The following GTF3C5 variants were observed in gnomAD, a reference collection of about 807,000 sequenced individuals.
GTF3C5 encodes general transcription factor IIIC subunit 5.
GTF3C5 carries 47 observed loss-of-function variants against 61.0 expected under a neutral mutation model. The observed-to-expected ratio is 0.77, with a 90% CI of 0.61 to 0.98. GTF3C5 has a LOEUF of 0.98. GTF3C5 is among the 50% of genes least tolerant of loss of function. GTF3C5 has a pLI of 0.00. For missense variants in GTF3C5, 659 were observed against 703.3 expected, an observed-to-expected ratio of 0.94 and a Z score of 0.71; for synonymous variants, 295 against 275.4, an observed-to-expected ratio of 1.07 and a Z score of -0.71.
chr9:133,041,683 T>A (rs1850044609), intron 1 of GTF3C5, among the ~76,000 whole-genome samples: 1 of 152,178 alleles, frequency 6.6e-6, no homozygotes, highest in African/African-American at 2.4e-5. Flanking sequence ...CTGTCTTTTC[T>A]TTTATGTCTT....
Position 133,053,871 on chromosome 9 carries a change from ACC to A in GTF3C5, c.921_922del (p.Arg308LysfsTer27). 1.9e-6 allele frequency: 3 copies of A among 1,613,334 alleles called. No individual in the cohort carries two copies. The highest frequency in any genetic ancestry group is 2.5e-6 in the Non-Finnish European group (3 of 1,179,460). ...AGCCTATGGATTCGATTTGGGTATG[ACC>A]CCCGAAAAAACCCAGATGCCAAGAT... On this transcript the variant is annotated frameshift_variant, in exon 6 of 11. Transcript: ENST00000372097. LOFTEE classifies it high-confidence loss of function.
chr9:133,040,955 TCCTCG>T (rs1256899003), intron 1 of GTF3C5, among the ~76,000 whole-genome samples: 6 of 152,230 alleles, frequency 3.9e-5, no homozygotes, highest in Non-Finnish European at 5.9e-5. Flanking sequence ...ATTATAATAA[TCCTCG>T]CTCTATAATC....
chr9:133,043,980 C>G, intron 3 of GTF3C5, 54 bp downstream of exon 3: 1 of 1,366,272 alleles, frequency 7.3e-7, no homozygotes, highest in Non-Finnish European at 1.0e-6. Context: ...TGGGATGGTC[C>G]GGGCACGGAG....
chr9:133,045,728 C>T (rs1168756029), intron 3 of GTF3C5, among the ~76,000 whole-genome samples: 1 of 152,194 alleles, frequency 6.6e-6, no homozygotes, highest in South Asian at 2.1e-4. Context: ...CCTCTGCTTC[C>T]TGGGTTAAAA....
chr9:133,056,614 C>A, intron 9 of GTF3C5, 152 bp from the exon 10 acceptor site: 1 of 664,188 alleles, frequency 1.5e-6, no homozygotes, highest in Non-Finnish European at 2.4e-6. Flanking sequence ...TGGGAACACA[C>A]AGCTTGTGTT....
Position 133,054,444 on chromosome 9 carries a change from G to T in GTF3C5, c.1025G>T (p.Arg342Leu). 6.2e-7 allele frequency: 1 copy of T among 1,614,160 alleles called. No homozygotes were observed. The highest frequency in any genetic ancestry group is 8.5e-7 in the Non-Finnish European group (1 of 1,180,014). The change falls in exon 7 of 11, where the codon CGC becomes CTC. Residue 342 changes from arginine (R) to leucine (L), a missense_variant. Arg to Leu is a moderately radical substitution (Grantham distance 102). Coordinates refer to ENST00000372097, the MANE Select transcript of GTF3C5 (RefSeq NM_012087.4). ...AGTGACTTGCCGGTCAAAGCAAAGCGCAGCACCTACAACTACAGCCTCCCC... is the reference window on the plus strand; with the variant it reads ...AGTGACTTGCCGGTCAAAGCAAAGCTCAGCACCTACAACTACAGCCTCCCC... Reference protein sequence around the residue: ...APSDLPVKAKRSTYNYSLPIT... With the variant: ...APSDLPVKAKLSTYNYSLPIT...
intron 8 of GTF3C5, 166 bp from the exon 9 acceptor site, chr9:133,055,846 T>C: frequency 1.4e-6 from 2 of 1,419,170 alleles, no homozygotes; most frequent in East Asian, 5.1e-5. Flanking sequence ...TGGACATTGT[T>C]TTTTCCCCAA....
chr9:133,035,070 T>C (rs1304434018), intron 1 of GTF3C5, among the ~76,000 whole-genome samples: 1 of 152,152 alleles, frequency 6.6e-6, no homozygotes, highest in Non-Finnish European at 1.5e-5. Flanking sequence ...CCAGGGAGTG[T>C]GGTATTCCCC....
chr9:133,043,071 TA>T (rs1435711726), intron 2 of GTF3C5, among the ~76,000 whole-genome samples: 29 of 152,176 alleles, frequency 1.9e-4, no homozygotes, highest in African/African-American at 7.0e-4. Context: ...CTGAAGAGTA[TA>T]AAGATTGAGA....
At chr9:133,046,798 G>A (rs1479270011) in intron 3 of GTF3C5, among the ~76,000 whole-genome samples, 2 of 152,168 alleles carry the variant, frequency 1.3e-5, no homozygotes, top group African/African-American at 2.4e-5. Flanking sequence ...CTGGAGCTGA[G>A]ACAGAGCCAG....
At chr9:133,048,263 C>T (rs925730103) in intron 3 of GTF3C5, among the ~76,000 whole-genome samples, 14 of 152,148 alleles carry the variant, frequency 9.2e-5, no homozygotes, top group Admixed American at 2.0e-4. Flanking sequence ...TTTGGGAGGC[C>T]GAGGCGGGTG....
chr9:133,058,196 C>T lies in GTF3C5; in HGVS notation c.*216C>T, dbSNP rs928139528. 41 of 1,370,000 alleles carry T rather than the reference C, an allele frequency of 3.0e-5. No individual in the cohort carries two copies. The African/African-American group carries it at 5.9e-4, about 20-fold the overall frequency. The allele number at this position is 1,370,000 out of a possible 1,614,324, so 84.9% of individuals were successfully genotyped here. A position where few individuals can be genotyped will look rare whatever the true frequency, so the allele number is the denominator to read the frequency against. On this transcript the variant is annotated 3_prime_UTR_variant, in exon 11 of 11. Coordinates refer to ENST00000372097, the MANE Select transcript of GTF3C5 (RefSeq NM_012087.4). Reference sequence around the variant, plus strand: ...GGTCCTGAGGGGTTAGGGACATCCCCAAAGGGTATACCCTGGCTCTGCCAC... The same window carrying T: ...GGTCCTGAGGGGTTAGGGACATCCCTAAAGGGTATACCCTGGCTCTGCCAC...
rs553220664 is a variant in GTF3C5 at position 133,057,845 on chromosome 9, C to T, written c.1425C>T (p.Gly475=). The change falls in exon 11 of 11, where the codon GGC becomes GGT. Residue 475 remains glycine (G), a synonymous_variant. Coordinates refer to ENST00000372097, the MANE Select transcript of GTF3C5 (RefSeq NM_012087.4). ...TTTCCAGCTCAGCCAAGGCTGATGGCGGAAAAGAGCAGCTGACGTACGAGT... is the reference window on the plus strand; with the variant it reads ...TTTCCAGCTCAGCCAAGGCTGATGGTGGAAAAGAGCAGCTGACGTACGAGT... ...ALFSSSAKAD[G]GKEQLTYESG... 98 of 1,612,134 alleles carry T rather than the reference C, an allele frequency of 6.1e-5. No homozygotes were observed. The Admixed American group carries it at 1.1e-3, about 18-fold the overall frequency.
At position 133,057,881 on chromosome 9, in the gene GTF3C5, C is replaced by T. The variant is rs372581470; in HGVS notation, c.1461C>T (p.Asp487=). Reference sequence around the variant, plus strand: ...AGCTGACGTACGAGTCTGGGGAAGACGAGGAGGATGAGGAGGAGGAGGAAG... The same window carrying T: ...AGCTGACGTACGAGTCTGGGGAAGATGAGGAGGATGAGGAGGAGGAGGAAG... ...KEQLTYESGE[D]EEDEEEEEEE... The change falls in exon 11 of 11, where the codon GAC becomes GAT. Residue 487 remains aspartate (D), a synonymous_variant. Coordinates refer to ENST00000372097, the MANE Select transcript of GTF3C5 (RefSeq NM_012087.4). 106 of 1,613,418 alleles carry T rather than the reference C, an allele frequency of 6.6e-5. 2 individuals are homozygous for T. Among genetic ancestry groups the T allele is most frequent in the Non-Finnish European group, 3.1e-5 (37 of 1,179,886 alleles).
intron 1 of GTF3C5, among the ~76,000 whole-genome samples, chr9:133,039,334 C>T (rs1228642782): frequency 6.6e-6 from 1 of 152,196 alleles, no homozygotes; most frequent in African/African-American, 2.4e-5. Flanking sequence ...GTCTCTCGTC[C>T]TCTTGACCCT....
chr9:133,034,544 G>A (rs943472885), intron 1 of GTF3C5, among the ~76,000 whole-genome samples: 2 of 152,178 alleles, frequency 1.3e-5, no homozygotes, highest in Admixed American at 6.5e-5. Context: ...GTCCCGGGGT[G>A]ACAGCCCATT....
chr9:133,052,981 C>T (rs1396831909), intron 5 of GTF3C5, among the ~76,000 whole-genome samples: 5 of 152,062 alleles, frequency 3.3e-5, no homozygotes, highest in Non-Finnish European at 5.9e-5. Flanking sequence ...TACAGGCGCA[C>T]GCCACCATGC....
chr9:133,031,335 TTTTG>T (rs1303276039), intron 1 of GTF3C5, among the ~76,000 whole-genome samples, 171 bp downstream of exon 1: 2 of 151,760 alleles, frequency 1.3e-5, no homozygotes. Flanking sequence ...AGGGAAGGAT[TTTTG>T]TTTTTGTTTT....
intron 2 of GTF3C5, among the ~76,000 whole-genome samples, chr9:133,043,404 T>C (rs1333406441): frequency 6.6e-6 from 1 of 152,254 alleles, no homozygotes; most frequent in Non-Finnish European, 1.5e-5. Flanking sequence ...CAGATTCATA[T>C]GCATGTTACT....
Sources: allele counts gnomAD v4.1 joint callset (sites outside exome capture counted in the v4.1 genomes callset), GRCh38; gene constraint gnomAD v4.1.1; transcripts MANE v1.5; gene names NCBI Gene and HGNC (gene_info 2026-07-23, HGNC 2026-07-21).